Variants in PCDHGA11 observed in about 807,000 individuals in gnomAD.
PCDHGA11 encodes protocadherin gamma-A11.
PCDHGA11 carries 39 observed loss-of-function variants against 60.4 expected under a neutral mutation model. The ratio of observed to expected loss-of-function variants is 0.65; its 90% CI spans 0.50 to 0.84. The LOEUF is 0.84. Among genes scored for constraint, PCDHGA11 ranks in the 40% least tolerant of loss-of-function variants. The pLI, the probability that PCDHGA11 is intolerant of heterozygous loss-of-function variation, is 0.00. For missense variants in PCDHGA11, 1,165 were observed against 1,197.7 expected (o/e 0.97, Z 0.40); for synonymous variants, 533 against 510.3 (o/e 1.04, Z -0.60).
Position 141,493,477 on chromosome 5 carries a change from G to A in PCDHGA11, c.2434-1330G>A, listed in dbSNP as rs1657824440. On this transcript the variant is annotated intron_variant, in intron 1 of 3. Transcript: ENST00000398587. This position sits in a 1 kb window ranked among gnomAD's most constrained non-coding sequence, Gnocchi z 4.3. ...TTCCCTTTTAGGACCTTACATGTGG[G>A]GAAAGTCTTCTGTGGCTCCTCATTT... is the stretch of plus-strand genomic sequence containing the variant. Among the ~76,000 whole-genome samples, 3 of 152,124 alleles carry A rather than the reference G, an allele frequency of 2.0e-5. No individual in the cohort carries two copies. The highest frequency in any genetic ancestry group is 6.5e-5 in the Admixed American group (1 of 15,272).
intron 2 of PCDHGA11, among the ~76,000 whole-genome samples, chr5:141,499,370 AT>A (rs932083472): frequency 2.0e-5 from 3 of 152,170 alleles, no homozygotes. Context: ...TAGCAACTTA[AT>A]TTTTTTCCAC....
At chr5:141,505,323 G>C in intron 2 of PCDHGA11, 70 bp from the exon 3 acceptor site, 1 of 1,606,758 alleles carries the variant, frequency 6.2e-7, no homozygotes, top group South Asian at 1.1e-5. Flanking sequence ...GGGAGCCCTG[G>C]GAGAGGACAG....
chr5:141,477,569 G>A lies in PCDHGA11; in HGVS notation c.2434-17238G>A. The A allele has an allele frequency of 6.2e-7, 1 of 1,614,104 alleles. No homozygotes were observed. Among genetic ancestry groups the A allele is most frequent in the Non-Finnish European group, 8.5e-7 (1 of 1,180,024 alleles). On this transcript the variant is annotated intron_variant, in intron 1 of 3. Coordinates refer to ENST00000398587, the MANE Select transcript of PCDHGA11 (RefSeq NM_018914.3). This position sits in a 1 kb window ranked among gnomAD's most constrained non-coding sequence, Gnocchi z 4.9. ...ACTAAACCTAAGTGTCTGGGACCCC[G>A]ACGCCCCGCAGAATGCTCGGCTTTC...
rs778052844 is a variant in PCDHGA11, at chr5:141,486,259, T to C, written c.2434-8548T>C. ...CAGAGCTTGGAACCCTCCCCGAGAG[T>C]GCAGAACCTGGCACTGTGGTGGCAC... is the stretch of plus-strand genomic sequence containing the variant. On this transcript the variant is annotated intron_variant, in intron 1 of 3. Coordinates refer to ENST00000398587, the MANE Select transcript of PCDHGA11 (RefSeq NM_018914.3). This position sits in a 1 kb window ranked among gnomAD's most constrained non-coding sequence, Gnocchi z 5.0. 1 of 1,613,204 alleles carries C rather than the reference T, an allele frequency of 6.2e-7. No individual in the cohort carries two copies. The highest frequency in any genetic ancestry group is 8.5e-7 in the Non-Finnish European group (1 of 1,179,716).
rs1460175237 is a variant in PCDHGA11, at chr5:141,485,185, G to A, written c.2434-9622G>A. ...AGCGGGCGGCAGCAATGCTCCGCAAGGTGAGAAGCTGGACAGAAATCTGGC... is the reference window on the plus strand; with the variant it reads ...AGCGGGCGGCAGCAATGCTCCGCAAAGTGAGAAGCTGGACAGAAATCTGGC... On this transcript the variant is annotated intron_variant, in intron 1 of 3. Transcript: ENST00000398587. This position sits in a 1 kb window ranked among gnomAD's most constrained non-coding sequence, Gnocchi z 5.7. 3.1e-6 allele frequency: 5 copies of A among 1,613,528 alleles called. No individual in the cohort carries two copies. Among genetic ancestry groups the A allele is most frequent in the African/African-American group, 2.7e-5 (2 of 75,052 alleles).
intron 1 of PCDHGA11, chr5:141,426,849 G>A (rs749455878): frequency 2.4e-5 from 11 of 456,660 alleles, no homozygotes; most frequent in South Asian, 1.7e-4. Flanking sequence ...AGGCAAGAAC[G>A]CTCCAGAATT....
intron 1 of PCDHGA11, chr5:141,433,169 C>T: frequency 6.2e-7 from 1 of 1,613,000 alleles, no homozygotes; most frequent in Non-Finnish European, 8.5e-7. Context: ...TAAAGACAGT[C>T]ATGGGTTAAT....
chr5:141,485,663 A>G lies in PCDHGA11; in HGVS notation c.2434-9144A>G, dbSNP rs1594506698. ...AAAGGCTCAGGATGCAGATGTGGGG[A>G]GCAATTCGATTAGCAGCTATAGGCT... On this transcript the variant is annotated intron_variant, in intron 1 of 3. Transcript: ENST00000398587. The surrounding 1 kb of genome is among the most constrained non-coding windows in gnomAD (Gnocchi z 5.7). The G allele has an allele frequency of 1.2e-6, 2 of 1,612,638 alleles. No homozygotes were observed. Among genetic ancestry groups the G allele is most frequent in the East Asian group, 4.5e-5 (2 of 44,840 alleles).
At chr5:141,494,648 T>G in intron 1 of PCDHGA11, 159 bp from the exon 2 acceptor site, 1 of 946,506 alleles carries the variant, frequency 1.1e-6, no homozygotes, top group Non-Finnish European at 1.3e-6. Flanking sequence ...ACCTGAGGTG[T>G]ATTTTGTCTT....
intron 1 of PCDHGA11, among the ~76,000 whole-genome samples, chr5:141,460,888 C>T (rs530320189): frequency 1.3e-5 from 2 of 149,792 alleles, no homozygotes; most frequent in East Asian, 2.0e-4. Context: ...CATGCCTTTT[C>T]GTGGCTGAGT....
intron 1 of PCDHGA11, among the ~76,000 whole-genome samples, chr5:141,430,411 C>T (rs879587751): frequency 3.3e-5 from 5 of 150,942 alleles, no homozygotes; most frequent in African/African-American, 1.2e-4. Flanking sequence ...ACTAAAGTTT[C>T]TATTAAAGCG....
chr5:141,500,433 T>A (rs1398344932), intron 2 of PCDHGA11, among the ~76,000 whole-genome samples: 17 of 151,882 alleles, frequency 1.1e-4, no homozygotes, highest in East Asian at 7.8e-4. Flanking sequence ...ATGGTCTCGA[T>A]CTCCTGACCT....
chr5:141,439,124 C>A (rs550781116), intron 1 of PCDHGA11, among the ~76,000 whole-genome samples: 332 of 150,120 alleles, frequency 2.2e-3, no homozygotes, highest in Non-Finnish European at 3.9e-3. Context: ...ACCCGGGAGA[C>A]AGAGGTTGCA....
chr5:141,421,953 G>A lies in PCDHGA11; in HGVS notation c.726G>A (p.Met242Ile), dbSNP rs193141134. Residue 242 changes from methionine (M) to isoleucine (I), a missense_variant, in exon 1 of 4, where the codon ATG becomes ATA. Coordinates refer to ENST00000398587, the MANE Select transcript of PCDHGA11 (RefSeq NM_018914.3). ...TCGATGTAAATGATCACATCCCAATGTTTACACAGTCCGTATATCGCGTGA... is the reference window on the plus strand; with the variant it reads ...TCGATGTAAATGATCACATCCCAATATTTACACAGTCCGTATATCGCGTGA... ...VVLDVNDHIP[M>I]FTQSVYRVSV... 1.8e-4 allele frequency: 295 copies of A among 1,612,962 alleles called. 5 individuals are homozygous for A. In the East Asian group the frequency reaches 4.0e-3, roughly 22 times the overall value.
chr5:141,474,710 A>T (rs535069070), intron 1 of PCDHGA11, among the ~76,000 whole-genome samples: 31 of 152,330 alleles, frequency 2.0e-4, no homozygotes, highest in African/African-American at 6.3e-4. Context: ...GTTCTATTAT[A>T]CTTCAAAAGG....
rs2099426122 is a variant in PCDHGA11 at position 141,477,960 on chromosome 5, A to C, written c.2434-16847A>C. On this transcript the variant is annotated intron_variant, in intron 1 of 3. Coordinates refer to ENST00000398587, the MANE Select transcript of PCDHGA11 (RefSeq NM_018914.3). This position sits in a 1 kb window ranked among gnomAD's most constrained non-coding sequence, Gnocchi z 4.9. ...TCCTACAGTCTCTTGGGATCCCCTAACCAGAGCCTTTTTGCCATAGGGCTG... is the reference window on the plus strand; with the variant it reads ...TCCTACAGTCTCTTGGGATCCCCTACCCAGAGCCTTTTTGCCATAGGGCTG... 1 of 1,613,952 alleles carries C rather than the reference A, an allele frequency of 6.2e-7. No individual in the cohort carries two copies. Among genetic ancestry groups the C allele is most frequent in the African/African-American group, 1.3e-5 (1 of 74,922 alleles).
chr5:141,452,088 AAG>A (rs1200732162), intron 1 of PCDHGA11, among the ~76,000 whole-genome samples: 2 of 152,206 alleles, frequency 1.3e-5, no homozygotes, highest in African/African-American at 4.8e-5. Flanking sequence ...ATTATACAGT[AAG>A]AAAGAGCTTT....
At chr5:141,488,183 T>C (rs1249953031) in intron 1 of PCDHGA11, among the ~76,000 whole-genome samples, 1 of 152,148 alleles carries the variant, frequency 6.6e-6, no homozygotes, top group Non-Finnish European at 1.5e-5. Flanking sequence ...CATAGATCTT[T>C]TGGTCTGGGT....
chr5:141,483,472 T>C (rs1457039859), intron 1 of PCDHGA11, among the ~76,000 whole-genome samples: 2 of 152,076 alleles, frequency 1.3e-5, no homozygotes, highest in Non-Finnish European at 2.9e-5. Flanking sequence ...TGACATGATA[T>C]AGGAAGTGAG....
Sources: gnomAD v4.1 joint callset for allele counts (sites outside exome capture counted in the v4.1 genomes callset) on GRCh38, gnomAD v4.1.1 for gene constraint, Gnocchi (gnomAD v3.1) non-coding constraint, MANE v1.5 for transcripts, NCBI Gene and HGNC (gene_info 2026-07-23, HGNC 2026-07-21) for gene names.